The following NXPE4 variants were observed in gnomAD, a reference collection of about 807,000 sequenced individuals.
NXPE4 encodes the protein neurexophilin and PC-esterase domain family member 4, also known as NXPE family member 4.
NXPE4 carries 42 observed loss-of-function variants against 33.3 expected under a neutral mutation model. The observed-to-expected ratio is 1.26, with a 90% CI of 0.98 to 1.63. The LOEUF (loss-of-function observed/expected upper bound fraction) is 1.63. Ranked by LOEUF, NXPE4 falls within the 40% of genes most tolerant of loss-of-function variation. The pLI, the probability that NXPE4 is intolerant of heterozygous loss-of-function variation, is 0.00. For missense variants in NXPE4, 709 were observed against 647.6 expected (o/e 1.09, Z -1.03); for synonymous variants, 253 against 234.9 (o/e 1.08, Z -0.71).
chr11:114,617,371 C>T, the NXPE4 span, among the ~76,000 whole-genome samples: 2 of 151,746 alleles, frequency 1.3e-5, no homozygotes, highest in Non-Finnish European at 2.9e-5. Context: ...CATTGGTAAC[C>T]ACTGTTACCC....
rs1374388261 is a variant in NXPE4 at position 114,571,520 on chromosome 11, C to A, written c.1100-47G>T. 6 of 1,467,280 alleles carry A rather than the reference C, an allele frequency of 4.1e-6. No individual in the cohort carries two copies. The African/African-American group carries it at 5.6e-5, about 14-fold the overall frequency. 90.9% of individuals were successfully genotyped at this position (1,467,280 alleles called of 1,614,324 possible). A position where few individuals can be genotyped will look rare whatever the true frequency, so the allele number is the denominator to read the frequency against. On this transcript the variant is annotated intron_variant, in intron 5 of 5. Coordinates refer to ENST00000375478, the MANE Select transcript of NXPE4 (RefSeq NM_001077639.2). ...CAAAATAAAAGGAGGATATAGTTACCAAGATTGAGTAGATATAAAGATGGA... is the reference window on the plus strand; with the variant it reads ...CAAAATAAAAGGAGGATATAGTTACAAAGATTGAGTAGATATAAAGATGGA...
the NXPE4 span, among the ~76,000 whole-genome samples, chr11:114,623,461 G>A: frequency 1.3e-5 from 2 of 152,178 alleles, no homozygotes; most frequent in East Asian, 3.9e-4. Flanking sequence ...GTTATCCGGT[G>A]CATAATAATT....
At chr11:114,628,280 C>T in the NXPE4 span, among the ~76,000 whole-genome samples, 1 of 150,940 alleles carries the variant, frequency 6.6e-6, no homozygotes, top group East Asian at 1.9e-4. Context: ...ATAAACCTCT[C>T]CTCAGAAAAT....
intron 2 of NXPE4, among the ~76,000 whole-genome samples, chr11:114,588,519 T>C (rs1055708577): frequency 3.9e-5 from 6 of 152,104 alleles, no homozygotes; most frequent in Non-Finnish European, 8.8e-5. Context: ...ATGAGCAATA[T>C]GTCTCCTATA....
chr11:114,575,634 AC>A lies in NXPE4; in HGVS notation c.1100-4162del, dbSNP rs1361885957. Among the ~76,000 whole-genome samples the A allele has an allele frequency of 2.0e-5, 3 of 152,072 alleles. No homozygotes were observed. The East Asian group carries it at 5.8e-4, about 29-fold the overall frequency. Reference sequence around the variant, plus strand: ...AAAATAAAATAAAAACCTTAAGAATACCTAGCCAAGGATGTCAAAGACCTCT... The same window carrying A: ...AAAATAAAATAAAAACCTTAAGAATACTAGCCAAGGATGTCAAAGACCTCT... On this transcript the variant is annotated intron_variant, in intron 5 of 5. Coordinates refer to ENST00000375478, the MANE Select transcript of NXPE4 (RefSeq NM_001077639.2).
At chr11:114,605,828 C>A in the NXPE4 span, among the ~76,000 whole-genome samples, 4 of 147,780 alleles carry the variant, frequency 2.7e-5, no homozygotes, top group African/African-American at 1.0e-4. Context: ...CAGTGGAAAA[C>A]AAGTATTGCC....
the NXPE4 span, among the ~76,000 whole-genome samples, chr11:114,606,698 G>T: frequency 6.6e-6 from 1 of 151,988 alleles, no homozygotes; most frequent in Non-Finnish European, 1.5e-5. Context: ...CTGTTACCCG[G>T]AGGGTAATAA....
At chr11:114,573,918 A>G (rs1017466805) in intron 5 of NXPE4, among the ~76,000 whole-genome samples, 1 of 152,164 alleles carries the variant, frequency 6.6e-6, no homozygotes, top group East Asian at 1.9e-4. Flanking sequence ...CATTCTATTT[A>G]TCAGCACATG....
the NXPE4 span, among the ~76,000 whole-genome samples, chr11:114,612,514 G>A: frequency 8.6e-5 from 13 of 151,112 alleles, 1 homozygote; most frequent in South Asian, 6.3e-4. Flanking sequence ...GTGTTTCCTC[G>A]GGGGTAACCA....
chr11:114,640,745 T>C, the NXPE4 span, among the ~76,000 whole-genome samples: 3 of 152,036 alleles, frequency 2.0e-5, no homozygotes, highest in African/African-American at 7.2e-5. Flanking sequence ...TTGGTGTTTG[T>C]ATGTCTTCTT....
chr11:114,611,409 T>C, the NXPE4 span, among the ~76,000 whole-genome samples: 1 of 151,740 alleles, frequency 6.6e-6, no homozygotes, highest in Non-Finnish European at 1.5e-5. Flanking sequence ...TCCCAGTGGA[T>C]AATAAGTATT....
At chr11:114,625,753 A>G in the NXPE4 span, among the ~76,000 whole-genome samples, 1 of 152,280 alleles carries the variant, frequency 6.6e-6, no homozygotes, top group African/African-American at 2.4e-5. Flanking sequence ...CTGCATTTCC[A>G]TCTGAGGTAC....
At chr11:114,629,493 A>C in the NXPE4 span, among the ~76,000 whole-genome samples, 17 of 151,404 alleles carry the variant, frequency 1.1e-4, no homozygotes, top group African/African-American at 2.7e-4. Flanking sequence ...AAAACTCTCA[A>C]TAAATTAGGT....
At chr11:114,669,319 C>T in the NXPE4 span, among the ~76,000 whole-genome samples, 1 of 152,058 alleles carries the variant, frequency 6.6e-6, no homozygotes, top group Non-Finnish European at 1.5e-5. Context: ...GCCACAAAAT[C>T]CTTCCATCTT....
chr11:114,631,894 G>T, the NXPE4 span, among the ~76,000 whole-genome samples: 2 of 151,314 alleles, frequency 1.3e-5, no homozygotes, highest in Admixed American at 1.3e-4. Flanking sequence ...TGGATAATAA[G>T]TATTGCCTCG....
the NXPE4 span, among the ~76,000 whole-genome samples, chr11:114,658,104 G>C: frequency 6.6e-6 from 1 of 151,952 alleles, no homozygotes; most frequent in Non-Finnish European, 1.5e-5. Context: ...CATCAATCCC[G>C]TCATAAAAAA....
At chr11:114,641,231 G>A in the NXPE4 span, among the ~76,000 whole-genome samples, 1 of 151,808 alleles carries the variant, frequency 6.6e-6, no homozygotes, top group South Asian at 2.1e-4. Context: ...TGAAAGACAA[G>A]TTTAAAAATA....
At chr11:114,641,163 A>T in the NXPE4 span, among the ~76,000 whole-genome samples, 1 of 152,036 alleles carries the variant, frequency 6.6e-6, no homozygotes, top group African/African-American at 2.4e-5. Flanking sequence ...GAGCTGGAAG[A>T]TTAGGCTGAA....
chr11:114,580,023 G>A (rs1183075342), intron 5 of NXPE4, 109 bp downstream of exon 5: 3 of 960,154 alleles, frequency 3.1e-6, no homozygotes, highest in Non-Finnish European at 3.2e-6. Context: ...GGTGTGTTGT[G>A]ATTGAAGAAT....
Sources: allele counts gnomAD v4.1 joint callset (sites outside exome capture counted in the v4.1 genomes callset), GRCh38; gene constraint gnomAD v4.1.1; transcripts MANE v1.5; gene names NCBI Gene and HGNC (gene_info 2026-07-23, HGNC 2026-07-21).